Variants in XKR6 observed in about 807,000 individuals in gnomAD.
XKR6 encodes XK-related protein 6.
In XKR6, 22 loss-of-function variants were observed where a neutral mutation model predicts 56.7. The observed-to-expected ratio is 0.39, with a 90% CI of 0.28 to 0.55. The LOEUF (loss-of-function observed/expected upper bound fraction) is 0.55. Among genes scored for constraint, XKR6 ranks in the 20% least tolerant of loss-of-function variants. XKR6 has a pLI of 0.66. For missense variants in XKR6, 852 were observed against 889.0 expected (o/e 0.96, Z 0.53); for synonymous variants, 524 against 387.8 (o/e 1.35, Z -4.13).
At chr8:10,904,006 C>G (rs1800115701) in intron 2 of XKR6, among the ~76,000 whole-genome samples, 1 of 152,212 alleles carries the variant, frequency 6.6e-6, no homozygotes, top group African/African-American at 2.4e-5. Flanking sequence ...CCCAAGCACA[C>G]AGGAACCGGC....
intron 1 of XKR6, among the ~76,000 whole-genome samples, chr8:11,100,265 G>A (rs1437554241): frequency 5.9e-5 from 9 of 152,078 alleles, no homozygotes; most frequent in Non-Finnish European, 1.2e-4. Context: ...CGTTGCCCAG[G>A]CTGGTCTCGA....
In XKR6 at chr8:11,201,268, C is replaced by T; in HGVS notation, c.72G>A (p.Val24=). 6.3e-7 allele frequency: 1 copy of T among 1,577,094 alleles called. No individual in the cohort carries two copies. The highest frequency in any genetic ancestry group is 8.5e-7 in the Non-Finnish European group (1 of 1,171,874). Residue 24 remains valine (V), a synonymous_variant, in exon 1 of 3, where the codon GTG becomes GTA. Coordinates refer to ENST00000416569, the MANE Select transcript of XKR6 (RefSeq NM_173683.4). The stretch of plus-strand genomic sequence containing the variant: ...CCCCGTCCTCCTCGCCGCCGCTGCC[C>T]ACCGCCTCGTCCAGGTTGTGCAGCT... ...FAQLHNLDEA[V]GSGGEEDGEP...
At chr8:10,966,364 G>T (rs1255009307) in intron 1 of XKR6, among the ~76,000 whole-genome samples, 2 of 152,070 alleles carry the variant, frequency 1.3e-5, no homozygotes, top group East Asian at 3.9e-4. Flanking sequence ...GCATCACCGA[G>T]AAATGTATTA....
chr8:11,164,681 G>C (rs911611335), intron 1 of XKR6, among the ~76,000 whole-genome samples: 27 of 152,116 alleles, frequency 1.8e-4, no homozygotes, highest in Admixed American at 1.4e-3. Context: ...ACAATAGAGA[G>C]GGTCTTTGAT....
At chr8:11,072,821 G>A (rs988165236) in intron 1 of XKR6, among the ~76,000 whole-genome samples, 14 of 151,108 alleles carry the variant, frequency 9.3e-5, no homozygotes, top group African/African-American at 1.2e-4. Context: ...AGACCAAGGC[G>A]GGTGGATCAC....
chr8:11,006,138 C>T (rs189333802), intron 1 of XKR6, among the ~76,000 whole-genome samples: 2 of 152,128 alleles, frequency 1.3e-5, no homozygotes, highest in Admixed American at 1.3e-4. Context: ...ACCACTGTGA[C>T]TGACTAAAAA....
intron 1 of XKR6, among the ~76,000 whole-genome samples, chr8:11,125,466 G>C (rs902179230): frequency 6.6e-6 from 1 of 152,130 alleles, no homozygotes. Flanking sequence ...AATTACCACA[G>C]AACAGGTGGG....
intron 1 of XKR6, among the ~76,000 whole-genome samples, chr8:11,033,382 G>T (rs1205998009): frequency 6.8e-6 from 1 of 147,992 alleles, no homozygotes; most frequent in Non-Finnish European, 1.5e-5. Context: ...GATGGTGGTG[G>T]TGATGATGAT....
intron 2 of XKR6, among the ~76,000 whole-genome samples, chr8:10,905,257 G>T (rs923240232): frequency 2.6e-5 from 4 of 152,270 alleles, no homozygotes; most frequent in Non-Finnish European, 5.9e-5. Flanking sequence ...ATCTGCCCCA[G>T]TGGAGAGCTG....
intron 1 of XKR6, among the ~76,000 whole-genome samples, chr8:11,071,286 C>G (rs1800107173): frequency 6.6e-6 from 1 of 152,148 alleles, no homozygotes; most frequent in African/African-American, 2.4e-5. Context: ...GTTGTCCAGG[C>G]TGGAGTGCAA....
chr8:11,144,223 A>AGT (rs35351104), intron 1 of XKR6, among the ~76,000 whole-genome samples: 19,927 of 136,290 alleles, frequency 0.15, 1,521 homozygotes, highest in Middle Eastern at 0.18. Flanking sequence ...TTAAATAAAA[A>AGT]GTGTGTGTGT....
At chr8:11,031,733 T>C (rs576283563) in intron 1 of XKR6, among the ~76,000 whole-genome samples, 1 of 152,316 alleles carries the variant, frequency 6.6e-6, no homozygotes, top group East Asian at 1.9e-4. Flanking sequence ...CACCACCTCC[T>C]CCAAACCTCT....
At chr8:11,128,136 G>A (rs1228084692) in intron 1 of XKR6, among the ~76,000 whole-genome samples, 1 of 152,136 alleles carries the variant, frequency 6.6e-6, no homozygotes, top group African/African-American at 2.4e-5. Flanking sequence ...AAGTTAATAC[G>A]TAAAGGACAA....
At chr8:11,062,042 A>G (rs917973344) in intron 1 of XKR6, among the ~76,000 whole-genome samples, 2 of 152,186 alleles carry the variant, frequency 1.3e-5, no homozygotes, top group African/African-American at 4.8e-5. Flanking sequence ...AATCATCTGA[A>G]AGCACTGCAT....
intron 1 of XKR6, among the ~76,000 whole-genome samples, chr8:10,939,032 T>C (rs986219195): frequency 2.6e-5 from 4 of 152,176 alleles, no homozygotes; most frequent in Non-Finnish European, 5.9e-5. Flanking sequence ...CCGAACACTA[T>C]CTGCAAGGAC....
intron 1 of XKR6, among the ~76,000 whole-genome samples, chr8:11,197,902 T>C (rs942886388): frequency 6.6e-6 from 1 of 152,342 alleles, no homozygotes; most frequent in South Asian, 2.1e-4. Context: ...CAAATAATTT[T>C]ACATTAAAAA....
rs1491394669 is a variant in XKR6, at chr8:10,984,695, G to GCTCGCTCTCTCTCT, written c.765-59866_765-59865insAGAGAGAGAGCGAG. On this transcript the variant is annotated intron_variant, in intron 1 of 2. Transcript: ENST00000416569. ...AGTAACACAAAAGATAAAATACATG[G>GCTCGCTCTCTCTCT]CTCTCTCTCTCTCTCTCTCTCTCTC... 6.7e-4 allele frequency among the ~76,000 whole-genome samples: 38 copies of GCTCGCTCTCTCTCT among 56,326 alleles called. 2 individuals are homozygous for GCTCGCTCTCTCTCT. Among genetic ancestry groups the GCTCGCTCTCTCTCT allele is most frequent in the Non-Finnish European group, 1.1e-3 (29 of 27,420 alleles). 37.0% of individuals were successfully genotyped at this position (56,326 alleles called of 152,430 possible). A position where few individuals can be genotyped will look rare whatever the true frequency, so the allele number is the denominator to read the frequency against.
At chr8:11,078,408 C>A (rs1224434863) in intron 1 of XKR6, among the ~76,000 whole-genome samples, 1 of 152,204 alleles carries the variant, frequency 6.6e-6, no homozygotes, top group African/African-American at 2.4e-5. Context: ...AATACTGGTG[C>A]TGGGATCCAC....
At chr8:11,178,549 T>TATATATATATACAC (rs1249528278) in intron 1 of XKR6, among the ~76,000 whole-genome samples, 2 of 96,676 alleles carry the variant, frequency 2.1e-5, no homozygotes, top group Admixed American at 1.9e-4. Flanking sequence ...GAGGTAAAAA[T>TATATATATATACAC]ATATATATAT....
Sources: allele counts gnomAD v4.1 joint callset (sites outside exome capture counted in the v4.1 genomes callset), GRCh38; gene constraint gnomAD v4.1.1; transcripts MANE v1.5; gene names NCBI Gene and HGNC (gene_info 2026-07-23, HGNC 2026-07-21).